CDC34: variants seen among roughly 807,000 people sequenced by gnomAD.
The protein encoded by CDC34 is cell division cycle 34, ubiquitin conjugating enzyme, also known as ubiquitin-conjugating enzyme E2 R1.
Under a neutral mutation model 26.8 loss-of-function variants are expected in CDC34, and 18 were observed. The observed-to-expected ratio is 0.67, with a 90% CI of 0.47 to 1.00. CDC34 has a LOEUF of 1.00. CDC34 is among the 50% of genes least tolerant of loss of function. The probability of loss-of-function intolerance (pLI) is 0.00; values close to 1 mark genes in which losing one functional copy is unlikely to be tolerated. For synonymous variants in CDC34, 178 were observed against 147.5 expected (o/e 1.21, Z -1.50); for missense variants, 280 against 334.5 (o/e 0.84, Z 1.27).
chr19:536,628 T>G (rs970229242), intron 3 of CDC34: 4 of 548,948 alleles, frequency 7.3e-6, no homozygotes, highest in East Asian at 3.0e-5. Flanking sequence ...TCCTGGGGCC[T>G]TCTCCTTACC....
intron 4 of CDC34, among the ~76,000 whole-genome samples, 158 bp downstream of exon 4, chr19:537,305 G>A (rs373981582): frequency 6.6e-6 from 1 of 152,330 alleles, no homozygotes. Flanking sequence ...AGGCCGGGCC[G>A]AGTGGCGGAG....
chr19:535,920 C>G lies in CDC34; in HGVS notation c.261C>G (p.Tyr87Ter). Residue 87 changes from tyrosine to a stop codon, truncating the protein, a stop_gained, in exon 2 of 5, where the codon TAC becomes TAG. Transcript: ENST00000215574. LOFTEE classifies it high-confidence loss of function. ...CCAAGATGTGGCACCCTAACATCTA[C>G]GAGGTGAGCGCGGCCCCCACGGGCC... The part of the protein sequence containing the change: ...FLTKMWHPNI[Y>*]ETGDVCISIL... 1 of 1,612,896 alleles carries G rather than the reference C, an allele frequency of 6.2e-7. No homozygotes were observed. The highest frequency in any genetic ancestry group is 8.5e-7 in the Non-Finnish European group (1 of 1,179,216).
chr19:541,244 A>G (rs1353030105), intron 4 of CDC34, 95 bp from the exon 5 acceptor site: 15 of 1,415,410 alleles, frequency 1.1e-5, no homozygotes, highest in Non-Finnish European at 1.4e-5. Flanking sequence ...GAGAAACCTG[A>G]GCGTTGGGGT....
At chr19:532,533 TGCCCTCCCC>T (rs1017797078) in intron 1 of CDC34, among the ~76,000 whole-genome samples, 40 of 152,266 alleles carry the variant, frequency 2.6e-4, no homozygotes, top group African/African-American at 6.7e-4. Context: ...GCCTTTCAGC[TGCCCTCCCC>T]GCCCTCCCCG....
intron 4 of CDC34, chr19:538,696 G>A (rs2145851183): frequency 1.0e-6 from 1 of 985,262 alleles, no homozygotes; most frequent in Non-Finnish European, 1.2e-6. Flanking sequence ...AGCATCCAGG[G>A]CACCTTCCAT....
chr19:536,580 C>G (rs1462499390), intron 3 of CDC34: 1 of 579,824 alleles, frequency 1.7e-6, no homozygotes, highest in Non-Finnish European at 3.1e-6. Context: ...GCCGGCCCCA[C>G]CGTCTGGAAC....
chr19:535,951 T>C (rs772307303), intron 2 of CDC34, 28 bp downstream of exon 2: 1 of 1,592,996 alleles, frequency 6.3e-7, no homozygotes, highest in Non-Finnish European at 8.6e-7. Context: ...GGGCCTCAAG[T>C]CCTCATCCTC....
chr19:538,948 C>T (rs1979887958), intron 4 of CDC34: 27 of 985,212 alleles, frequency 2.7e-5, no homozygotes, highest in Non-Finnish European at 3.3e-5. Context: ...GGCTCCTTGG[C>T]CCGGTTCTTC....
chr19:540,155 GC>G lies in CDC34; in HGVS notation c.498-1178del, dbSNP rs1331960839. On this transcript the variant is annotated intron_variant, in intron 4 of 4. Coordinates refer to ENST00000215574, the MANE Select transcript of CDC34 (RefSeq NM_004359.2). ...AGAATCCGGAGGCCGGGGTGGCCAG[GC>G]CCCCCGGGTTTAGAATCCGGAGGCC... Among the ~76,000 whole-genome samples the G allele has an allele frequency of 1.3e-3, 5 of 3,820 alleles. 1 individual carries two copies. The highest frequency in any genetic ancestry group is 2.8e-3 in the Non-Finnish European group (2 of 704). The allele number at this position is 3,820 out of a possible 152,430, so 2.5% of individuals were successfully genotyped here.
chr19:536,510 A>G (rs1108115), intron 3 of CDC34, 170 bp downstream of exon 3: 262,785 of 602,294 alleles, frequency 0.44, 60,650 homozygotes, highest in East Asian at 0.59. Flanking sequence ...CCTGCACGGT[A>G]GGTGCTTTCA....
rs545537569 is a variant in CDC34, at chr19:541,788, G to T, written c.*236G>T. On this transcript the variant is annotated 3_prime_UTR_variant, in exon 5 of 5. Coordinates refer to ENST00000215574, the MANE Select transcript of CDC34 (RefSeq NM_004359.2). ...CGGTGGACGGGCCCAGGGTGGGAGC[G>T]GCCGGCCCACCTGTCCCCTCGGGAG... 52 of 371,198 alleles carry T rather than the reference G, an allele frequency of 1.4e-4. No homozygotes were observed. The highest frequency in any genetic ancestry group is 1.1e-3 in the African/African-American group (51 of 48,136). 23.0% of individuals were successfully genotyped at this position (371,198 alleles called of 1,614,324 possible).
At chr19:533,352 G>T (rs1004706379) in intron 1 of CDC34, among the ~76,000 whole-genome samples, 12 of 152,252 alleles carry the variant, frequency 7.9e-5, no homozygotes, top group Admixed American at 2.6e-4. Context: ...CGCACGATAT[G>T]TGTCTGCTCT....
At chr19:536,433 C>T in intron 3 of CDC34, 93 bp downstream of exon 3, 3 of 1,041,232 alleles carry the variant, frequency 2.9e-6, no homozygotes, top group Admixed American at 2.3e-5. Context: ...GGCCGGGCTC[C>T]CCCACAGGCT....
intron 4 of CDC34, among the ~76,000 whole-genome samples, chr19:538,230 G>C (rs17841766): frequency 0.03 from 4,513 of 152,334 alleles, 219 homozygotes; most frequent in African/African-American, 0.1. Flanking sequence ...CTCATGTCTG[G>C]AGTGCGTCCC....
At chr19:535,295 C>T (rs1008468134) in intron 1 of CDC34, among the ~76,000 whole-genome samples, 13 of 152,268 alleles carry the variant, frequency 8.5e-5, no homozygotes, top group Non-Finnish European at 1.3e-4. Context: ...TGAGGGCAGA[C>T]GGCCATACTG....
chr19:536,996 A>C lies in CDC34; in HGVS notation c.363-17A>C. 2 of 1,613,146 alleles carry C rather than the reference A, an allele frequency of 1.2e-6. No homozygotes were observed. Among genetic ancestry groups the C allele is most frequent in the Non-Finnish European group, 1.7e-6 (2 of 1,179,848 alleles). On this transcript the variant is annotated splice_polypyrimidine_tract_variant and intron_variant, in intron 3 of 4. Transcript: ENST00000215574. The stretch of plus-strand genomic sequence containing the variant: ...GGGTGCCCCGGGCCGCCCCACTCCG[A>C]CCCACTCTCCCCACAGGACCATTCT...
intron 1 of CDC34, 113 bp downstream of exon 1, chr19:532,221 T>C (rs952974907): frequency 1.8e-5 from 15 of 835,432 alleles, no homozygotes; most frequent in Non-Finnish European, 2.3e-5. Context: ...CCCCGAAGCC[T>C]CCTGGCTTGG....
intron 1 of CDC34, among the ~76,000 whole-genome samples, chr19:534,357 A>G (rs1407555253): frequency 6.8e-6 from 1 of 146,198 alleles, no homozygotes; most frequent in Non-Finnish European, 1.5e-5. Flanking sequence ...CCACGATCCA[A>G]GACCCCCAAA....
At chr19:540,096 T>A (rs1600430454) in intron 4 of CDC34, among the ~76,000 whole-genome samples, 1 of 87,252 alleles carries the variant, frequency 1.1e-5, no homozygotes, top group African/African-American at 3.7e-5. Flanking sequence ...AGGTTTAGAA[T>A]CCGGAGGCCG....
Sources: gnomAD v4.1 joint callset for allele counts (sites outside exome capture counted in the v4.1 genomes callset) on GRCh38, gnomAD v4.1.1 for gene constraint, MANE v1.5 for transcripts, NCBI Gene and HGNC (gene_info 2026-07-23, HGNC 2026-07-21) for gene names.